Variants in MARCHF1 observed in about 807,000 individuals in gnomAD.
MARCHF1 encodes the protein E3 ubiquitin-protein ligase MARCHF1.
A neutral mutation model predicts 54.2 loss-of-function variants in MARCHF1; 40 were observed. That is an observed-to-expected ratio of 0.74 (90% confidence interval 0.57 to 0.96). The LOEUF (loss-of-function observed/expected upper bound fraction) is 0.96. Ranked by LOEUF, MARCHF1 falls within the 40% of genes least tolerant of loss-of-function variation. The pLI is 0.00. For synonymous variants in MARCHF1, 236 were observed against 236.3 expected (o/e 1.00, Z 0.01); for missense variants, 586 against 656.5 (o/e 0.89, Z 1.17).
intron 3 of MARCHF1, among the ~76,000 whole-genome samples, chr4:163,983,920 T>C (rs1038974150): frequency 2.0e-5 from 3 of 150,476 alleles, no homozygotes; most frequent in African/African-American, 7.3e-5. Flanking sequence ...ACTAAATATG[T>C]TTTTTTAACT....
chr4:164,308,121 A>G (rs1301214841), intron 1 of MARCHF1, among the ~76,000 whole-genome samples: 3 of 152,212 alleles, frequency 2.0e-5, no homozygotes, highest in African/African-American at 7.2e-5. Context: ...TTTTACCCAG[A>G]GCCATGAGAT....
intron 1 of MARCHF1, among the ~76,000 whole-genome samples, chr4:164,214,755 C>T (rs1465076175): frequency 2.0e-5 from 3 of 152,118 alleles, no homozygotes; most frequent in Admixed American, 1.3e-4. Context: ...CTCAATAATG[C>T]CTATAATGTG....
rs1042800120 is a variant in MARCHF1, at chr4:164,302,759, C to T, written c.-323+81111G>A. ...TGGCCCATGCCTGTAATCCCAGCTA[C>T]TCGGGAGGCTGAGGCATGAGAATCA... On this transcript the variant is annotated intron_variant, in intron 1 of 9. Coordinates refer to ENST00000514618, the MANE Select transcript of MARCHF1 (RefSeq NM_001394959.1). Among the ~76,000 whole-genome samples the T allele has an allele frequency of 2.0e-5, 3 of 151,000 alleles. No individual in the cohort carries two copies. In the East Asian group the frequency reaches 5.9e-4, roughly 30 times the overall value.
At chr4:163,724,422 G>A (rs546302773) in intron 4 of MARCHF1, among the ~76,000 whole-genome samples, 1 of 152,208 alleles carries the variant, frequency 6.6e-6, no homozygotes, top group African/African-American at 2.4e-5. Context: ...TGCCCCTACT[G>A]GGGGGTGCCT....
chr4:164,142,537 G>A (rs558206568), intron 1 of MARCHF1, among the ~76,000 whole-genome samples: 18 of 152,262 alleles, frequency 1.2e-4, no homozygotes, highest in Admixed American at 6.5e-4. Flanking sequence ...CAGCCTAACT[G>A]GGAGGCACCC....
At chr4:163,858,416 T>C (rs1749829229) in intron 3 of MARCHF1, among the ~76,000 whole-genome samples, 1 of 152,130 alleles carries the variant, frequency 6.6e-6, no homozygotes, top group Non-Finnish European at 1.5e-5. Flanking sequence ...AGTTGTGCAG[T>C]TATGATTAAG....
intron 4 of MARCHF1, among the ~76,000 whole-genome samples, chr4:163,707,132 A>T (rs928767688): frequency 6.6e-5 from 10 of 152,072 alleles, no homozygotes; most frequent in Non-Finnish European, 1.3e-4. Context: ...AGATTAAAAA[A>T]TCTTTGAAAT....
chr4:164,180,404 A>C (rs1579600364), intron 1 of MARCHF1, among the ~76,000 whole-genome samples: 1 of 152,204 alleles, frequency 6.6e-6, no homozygotes, highest in South Asian at 2.1e-4. Context: ...ATTATAAAAA[A>C]TTGCTACCTA....
At chr4:163,933,229 G>A in intron 3 of MARCHF1, 1 of 735,848 alleles carries the variant, frequency 1.4e-6, no homozygotes, top group Middle Eastern at 4.4e-4. Context: ...AGAAGAATGT[G>A]ATGCAGCAGA....
intron 4 of MARCHF1, among the ~76,000 whole-genome samples, chr4:163,786,871 A>G (rs576338673): frequency 2.9e-4 from 44 of 152,128 alleles, no homozygotes; most frequent in Middle Eastern, 6.8e-3. Context: ...ACAATGTGGT[A>G]CTGGCATAAA....
chr4:163,529,150 T>G, intron 9 of MARCHF1, 104 bp from the exon 10 acceptor site: 1 of 745,456 alleles, frequency 1.3e-6, no homozygotes, highest in East Asian at 2.7e-5. Flanking sequence ...GCCTTCTAGA[T>G]TATGTATGTT....
chr4:163,950,346 G>A (rs1268868775), intron 3 of MARCHF1, among the ~76,000 whole-genome samples: 2 of 152,232 alleles, frequency 1.3e-5, no homozygotes, highest in Non-Finnish European at 2.9e-5. Flanking sequence ...GCTGCCTCGA[G>A]TGTGTGCACA....
chr4:163,808,225 A>T (rs987648548), intron 4 of MARCHF1, among the ~76,000 whole-genome samples: 3 of 152,184 alleles, frequency 2.0e-5, no homozygotes, highest in Non-Finnish European at 4.4e-5. Context: ...TGAAATGTCA[A>T]TTTCACTAAT....
chr4:163,935,702 C>CTTTTTTT (rs34331599), intron 3 of MARCHF1, among the ~76,000 whole-genome samples: 13 of 125,702 alleles, frequency 1.0e-4, no homozygotes, highest in East Asian at 2.3e-4. Flanking sequence ...TGCTTGCTTT[C>CTTTTTTT]TTTTTTTTTT....
rs969885679 is a variant in MARCHF1 at position 163,922,375 on chromosome 4, A to C, written c.-39+66126T>G. ...ACTTAAAGTATAATAATAATAAAAA[A>C]ATCAATATCGTTGAGGTTTTTCATG... On this transcript the variant is annotated intron_variant, in intron 3 of 9. Transcript: ENST00000514618. 8.5e-5 allele frequency among the ~76,000 whole-genome samples: 13 copies of C among 152,242 alleles called. 1 individual carries two copies. Among genetic ancestry groups the C allele is most frequent in the African/African-American group, 2.9e-4 (12 of 41,556 alleles).
intron 2 of MARCHF1, among the ~76,000 whole-genome samples, chr4:164,091,433 T>TAA (rs1553980498): frequency 1.8e-4 from 26 of 146,982 alleles, no homozygotes; most frequent in Non-Finnish European, 2.2e-4. Context: ...TATATATGTA[T>TAA]AAAATGAATT....
At chr4:163,702,516 A>G (rs1369714349) in intron 4 of MARCHF1, among the ~76,000 whole-genome samples, 1 of 152,200 alleles carries the variant, frequency 6.6e-6, no homozygotes, top group East Asian at 1.9e-4. Context: ...TAGAATTGAA[A>G]GGTGCTGCCA....
intron 5 of MARCHF1, among the ~76,000 whole-genome samples, chr4:163,668,499 G>A (rs1743618569): frequency 6.6e-6 from 1 of 152,142 alleles, no homozygotes; most frequent in Non-Finnish European, 1.5e-5. Flanking sequence ...AAGAGGAGAT[G>A]GAGGTAGAAT....
At chr4:163,615,982 A>G (rs906874687) in intron 5 of MARCHF1, among the ~76,000 whole-genome samples, 2 of 152,116 alleles carry the variant, frequency 1.3e-5, no homozygotes, top group African/African-American at 2.4e-5. Context: ...GAAAAAGGAC[A>G]TCTTAATGAT....
Sources: gnomAD v4.1 joint callset for allele counts (sites outside exome capture counted in the v4.1 genomes callset) on GRCh38, gnomAD v4.1.1 for gene constraint, MANE v1.5 for transcripts, NCBI Gene and HGNC (gene_info 2026-07-23, HGNC 2026-07-21) for gene names.